The following PURG variants were observed in gnomAD, a reference collection of about 807,000 sequenced individuals.
PURG encodes purine rich element binding protein G, also known as purine-rich element-binding protein gamma.
Under a neutral mutation model 24.3 loss-of-function variants are expected in PURG, and 3 were observed. The observed-to-expected ratio is 0.12, with a 90% CI of 0.06 to 0.32. PURG has a LOEUF of 0.32. Ranked by LOEUF, PURG falls within the 10% of genes least tolerant of loss-of-function variation. PURG has a pLI of 1.00. For missense variants in PURG, 371 were observed against 439.1 expected, an observed-to-expected ratio of 0.84 and a Z score of 1.39; for synonymous variants, 180 against 173.1, an observed-to-expected ratio of 1.04 and a Z score of -0.31.
chr8:31,009,906 A>G (rs1303433426), intron 1 of PURG, among the ~76,000 whole-genome samples: 1 of 152,068 alleles, frequency 6.6e-6, no homozygotes, highest in African/African-American at 2.4e-5. Flanking sequence ...AAACCAGTCT[A>G]GGGAACATAG....
At chr8:31,027,221 G>A (rs1811107933), downstream of PURG, among the ~76,000 whole-genome samples, 1 of 151,660 alleles carries the variant, frequency 6.6e-6, no homozygotes, top group African/African-American at 2.4e-5. Context: ...TATTCTGTAG[G>A]CATAGAATCA....
chr8:31,027,719 A>G (rs1811116115), downstream of PURG, among the ~76,000 whole-genome samples: 1 of 151,712 alleles, frequency 6.6e-6, no homozygotes, highest in Non-Finnish European at 1.5e-5. Context: ...AATATAGCAC[A>G]CTCTTGATGA....
chr8:31,022,428 G>A (rs377609738), intron 1 of PURG, among the ~76,000 whole-genome samples: 2 of 152,260 alleles, frequency 1.3e-5, no homozygotes, highest in African/African-American at 4.8e-5. Flanking sequence ...ATAGAAATCT[G>A]GCAAGAGCGT....
chr8:31,013,874 G>C (rs1173296923), intron 1 of PURG, among the ~76,000 whole-genome samples: 1 of 152,206 alleles, frequency 6.6e-6, no homozygotes, highest in South Asian at 2.1e-4. Flanking sequence ...ATTTTGGGGT[G>C]GTATGATGAT....
In PURG at chr8:31,033,213, G is replaced by GC. The variant is rs1188334377; in HGVS notation, c.-143dup. Reference sequence around the variant, plus strand: ...CTCCCCCGCCGCCGCCGCTCGCACTGCCCCCCGCCGGAGCAGCCGGGCAGG... The same window carrying GC: ...CTCCCCCGCCGCCGCCGCTCGCACTGCCCCCCCGCCGGAGCAGCCGGGCAGG... On this transcript the variant is annotated 5_prime_UTR_variant, in exon 1 of 2. The change creates a premature stop within an existing upstream ORF in the 5' untranslated region. Transcript: ENST00000523392. 1 of 190,664 alleles carries GC rather than the reference G, an allele frequency of 5.2e-6. No individual in the cohort carries two copies. The allele number at this position is 190,664 out of a possible 1,614,324, so 11.8% of individuals were successfully genotyped here. A position where few individuals can be genotyped will look rare whatever the true frequency, so the allele number is the denominator to read the frequency against.
intron 1 of PURG, among the ~76,000 whole-genome samples, chr8:31,016,089 AC>A (rs1810858076): frequency 1.3e-5 from 2 of 151,936 alleles, no homozygotes; most frequent in South Asian, 4.2e-4. Flanking sequence ...AAACATACAA[AC>A]AAACCAAGGC....
At chr8:31,021,366 CTGATCCCTTTAAAAAGTTA>C (rs1810985415) in intron 1 of PURG, among the ~76,000 whole-genome samples, 1 of 152,152 alleles carries the variant, frequency 6.6e-6, no homozygotes, top group Non-Finnish European at 1.5e-5. Flanking sequence ...TTCTTATGAT[CTGATCCCTTTAAAAAGTTA>C]TGATCCCTTT....
At chr8:31,012,527 T>C (rs1485772678) in intron 1 of PURG, among the ~76,000 whole-genome samples, 1 of 152,084 alleles carries the variant, frequency 6.6e-6, no homozygotes, top group Non-Finnish European at 1.5e-5. Context: ...TCAATAAATG[T>C]CAGATGAGAG....
At chr8:31,023,438 A>C (rs1443296215) in intron 1 of PURG, among the ~76,000 whole-genome samples, 1 of 152,090 alleles carries the variant, frequency 6.6e-6, no homozygotes, top group Non-Finnish European at 1.5e-5. Flanking sequence ...ACTCTTTTTT[A>C]AGCCTCTTCA....
At chr8:30,996,708 A>C (rs762733947) in intron 1 of PURG, 2 of 1,587,524 alleles carry the variant, frequency 1.3e-6, no homozygotes, top group Non-Finnish European at 1.7e-6. Context: ...CTAAAGAAAA[A>C]ATATTAATTT....
chr8:31,017,112 G>A (rs1315612513), intron 1 of PURG, among the ~76,000 whole-genome samples: 1 of 152,122 alleles, frequency 6.6e-6, no homozygotes, highest in African/African-American at 2.4e-5. Flanking sequence ...AATTTTTAGA[G>A]CTACAATGAA....
intron 1 of PURG, among the ~76,000 whole-genome samples, chr8:31,025,487 T>A (rs1811073238): frequency 6.6e-6 from 1 of 152,004 alleles, no homozygotes; most frequent in Non-Finnish European, 1.5e-5. Context: ...TTAAACCTTA[T>A]GACATGTTCA....
In PURG at chr8:31,001,868, C is replaced by T. The variant is rs1168512886; in HGVS notation, c.865-5171G>A. Among the ~76,000 whole-genome samples, 5 of 152,134 alleles carry T rather than the reference C, an allele frequency of 3.3e-5. No individual in the cohort carries two copies. In the East Asian group the frequency reaches 5.8e-4, roughly 18 times the overall value. ...TACTCTTGAATAGGGTAGTATTACT[C>T]ACGCCTGAATCGCTATGGCAAAATC... On this transcript the variant is annotated intron_variant, in intron 1 of 1. Transcript: ENST00000339382.
At chr8:31,009,394 C>A (rs1585356785) in intron 1 of PURG, among the ~76,000 whole-genome samples, 1 of 152,258 alleles carries the variant, frequency 6.6e-6, no homozygotes, top group East Asian at 1.9e-4. Context: ...CCACTGCACT[C>A]TAGCCTGGGT....
rs1283038042 is a variant in PURG, at chr8:31,032,207, C to T, written c.576G>A (p.Arg192=). 5.0e-6 allele frequency: 8 copies of T among 1,614,186 alleles called. No individual in the cohort carries two copies. Among genetic ancestry groups the T allele is most frequent in the Non-Finnish European group, 5.9e-6 (7 of 1,180,036 alleles). The change falls in exon 2 of 2, where the codon CGG becomes CGA. Residue 192 remains arginine (R), a synonymous_variant. Coordinates refer to ENST00000523392, the MANE Select transcript of PURG (RefSeq NM_001323311.2). The surrounding 1 kb of genome is among the most constrained non-coding windows in gnomAD (Gnocchi z 5.9). The part of the protein sequence containing the change: ...KYYLDLKENQ[R]GRFLRIRQTM... ...TTTGTCTAATCCGTAGGAAGCGACC[C>T]CGCTGATTTTCCTTTAGGTCTAGGT...
At chr8:31,005,734 C>T (rs1465631836) in intron 1 of PURG, among the ~76,000 whole-genome samples, 1 of 150,366 alleles carries the variant, frequency 6.7e-6, no homozygotes, top group Non-Finnish European at 1.5e-5. Flanking sequence ...GACATTCCTT[C>T]TAAAGCATCA....
At chr8:31,002,333 T>C (rs1226153371) in intron 1 of PURG, among the ~76,000 whole-genome samples, 2 of 152,176 alleles carry the variant, frequency 1.3e-5, no homozygotes, top group Non-Finnish European at 2.9e-5. Context: ...GATGGGAATC[T>C]GTACAGTATT....
intron 1 of PURG, among the ~76,000 whole-genome samples, chr8:30,999,958 G>A (rs190462637): frequency 6.1e-5 from 8 of 130,546 alleles, no homozygotes; most frequent in African/African-American, 1.8e-4. Flanking sequence ...TACATAAGTC[G>A]TATGTGTTTT....
intron 1 of PURG, among the ~76,000 whole-genome samples, chr8:31,013,705 C>A (rs1313103514): frequency 1.3e-5 from 2 of 152,202 alleles, no homozygotes; most frequent in African/African-American, 2.4e-5. Flanking sequence ...CCACTGCACT[C>A]CAGCCTGGGC....
Sources: allele counts gnomAD v4.1 joint callset (sites outside exome capture counted in the v4.1 genomes callset), GRCh38; gene constraint gnomAD v4.1.1; non-coding constraint Gnocchi (gnomAD v3.1); transcripts MANE v1.5; gene names NCBI Gene and HGNC (gene_info 2026-07-23, HGNC 2026-07-21).